The following CAB39 variants were observed in gnomAD, a reference collection of about 807,000 sequenced individuals.
CAB39 encodes the protein calcium-binding protein 39.
CAB39 carries 8 observed loss-of-function variants against 40.0 expected under a neutral mutation model. That is an observed-to-expected ratio of 0.20 (90% confidence interval 0.12 to 0.36). The LOEUF (loss-of-function observed/expected upper bound fraction) is 0.36. CAB39 is among the 10% of genes least tolerant of loss of function. CAB39 has a pLI of 1.00. For synonymous variants in CAB39, 156 were observed against 141.6 expected (o/e 1.10, Z -0.72); for missense variants, 270 against 401.1 (o/e 0.67, Z 2.79).
At chr2:230,757,119 T>G (rs776659997) in intron 1 of CAB39, among the ~76,000 whole-genome samples, 1 of 152,150 alleles carries the variant, frequency 6.6e-6, no homozygotes, top group Non-Finnish European at 1.5e-5. Flanking sequence ...CCTCCTTATT[T>G]AAATTTAAGT....
Position 230,748,832 on chromosome 2 carries a change from ATATATATATATATATAT to A in CAB39, c.-43-11126_-43-11110del, listed in dbSNP as rs1396203595. ...CAAAAAGAAAAAAAAAAAAAAAAAA[ATATATATATATATATAT>A]ATATATATATATATATATAACAAAA... is the stretch of plus-strand genomic sequence containing the variant. On this transcript the variant is annotated intron_variant, in intron 1 of 8. Transcript: ENST00000258418. 1.7e-3 allele frequency among the ~76,000 whole-genome samples: 37 copies of A among 21,744 alleles called. 2 individuals carry two copies. The highest frequency in any genetic ancestry group is 5.3e-3 in the African/African-American group (29 of 5,468). The allele number at this position is 21,744 out of a possible 152,430, so 14.3% of individuals were successfully genotyped here.
At chr2:230,758,568 ACT>A (rs777324338) in intron 1 of CAB39, among the ~76,000 whole-genome samples, 1 of 152,128 alleles carries the variant, frequency 6.6e-6, no homozygotes, top group Non-Finnish European at 1.5e-5. Context: ...TATGTAAGTC[ACT>A]CTATTTCAAA....
rs1183703477 is a variant in CAB39 at position 230,819,418 on chromosome 2, T to A, written c.*714T>A. On this transcript the variant is annotated 3_prime_UTR_variant, in exon 9 of 9. Transcript: ENST00000258418. ...ACTTTTCAAAGATACTTTAAAACAG[T>A]AGAGCTAGCAATGACACCTTGCATT... 1 of 152,670 alleles carries A rather than the reference T, an allele frequency of 6.6e-6. No homozygotes were observed. The highest frequency in any genetic ancestry group is 1.9e-4 in the East Asian group (1 of 5,202). 9.5% of individuals were successfully genotyped at this position (152,670 alleles called of 1,614,324 possible). A position where few individuals can be genotyped will look rare whatever the true frequency, so the allele number is the denominator to read the frequency against.
chr2:230,716,400 G>A (rs1198905987), intron 1 of CAB39, among the ~76,000 whole-genome samples: 1 of 152,028 alleles, frequency 6.6e-6, no homozygotes, highest in African/African-American at 2.4e-5. Context: ...CCAGATTGAT[G>A]ACTAATCACT....
chr2:230,786,037 G>T (rs1468917638), intron 2 of CAB39, among the ~76,000 whole-genome samples: 3 of 151,014 alleles, frequency 2.0e-5, no homozygotes, highest in African/African-American at 7.3e-5. Context: ...TGTGGCGGGT[G>T]CCTGTAGTCC....
chr2:230,724,306 G>C (rs1171547385), intron 1 of CAB39, among the ~76,000 whole-genome samples: 1 of 151,900 alleles, frequency 6.6e-6, no homozygotes, highest in African/African-American at 2.4e-5. Flanking sequence ...GTGAACAGGA[G>C]GCATGTGGTA....
rs1315166915 is a variant in CAB39, at chr2:230,798,725, G to A, written c.399-4G>A. The A allele has an allele frequency of 4.5e-6, 7 of 1,572,518 alleles. No homozygotes were observed. The highest frequency in any genetic ancestry group is 5.2e-6 in the Non-Finnish European group (6 of 1,156,342). ...TTTGTTTGTTTGGTTTTTTGTTTTT[G>A]CAGGTATGAATCTCCAGAAATAGCT... On this transcript the variant is annotated splice_region_variant and splice_polypyrimidine_tract_variant and intron_variant, in intron 4 of 8. Transcript: ENST00000258418.
chr2:230,788,431 C>G (rs913632779), intron 2 of CAB39, among the ~76,000 whole-genome samples: 2 of 151,812 alleles, frequency 1.3e-5, no homozygotes, highest in African/African-American at 4.8e-5. Flanking sequence ...ATGTTATAAC[C>G]CCAGAATACG....
At chr2:230,800,601 C>T (rs983679283) in intron 5 of CAB39, among the ~76,000 whole-genome samples, 1 of 152,108 alleles carries the variant, frequency 6.6e-6, no homozygotes, top group African/African-American at 2.4e-5. Context: ...TGTAGCAGCA[C>T]CATGTGTCAA....
chr2:230,718,607 C>T (rs1694393509), intron 1 of CAB39, among the ~76,000 whole-genome samples: 1 of 152,174 alleles, frequency 6.6e-6, no homozygotes, highest in Non-Finnish European at 1.5e-5. Context: ...TAGACCATAT[C>T]TGAGAGGGTT....
At chr2:230,783,572 A>G (rs1260092078) in intron 2 of CAB39, among the ~76,000 whole-genome samples, 4 of 146,244 alleles carry the variant, frequency 2.7e-5, no homozygotes, top group Non-Finnish European at 6.0e-5. Context: ...CCTCTGCACC[A>G]CTCCCCACCC....
intron 2 of CAB39, among the ~76,000 whole-genome samples, chr2:230,774,946 G>A (rs1281119340): frequency 6.6e-6 from 1 of 152,048 alleles, no homozygotes; most frequent in African/African-American, 2.4e-5. Context: ...CAAATACTTG[G>A]CACCAACAGT....
chr2:230,747,081 G>A (rs984396841), intron 1 of CAB39, among the ~76,000 whole-genome samples: 1 of 152,102 alleles, frequency 6.6e-6, no homozygotes, highest in Non-Finnish European at 1.5e-5. Context: ...GGCCTGGAGT[G>A]GTAGCTCATG....
intron 1 of CAB39, among the ~76,000 whole-genome samples, chr2:230,749,437 A>C (rs1031538041): frequency 6.6e-6 from 1 of 152,188 alleles, no homozygotes; most frequent in Non-Finnish European, 1.5e-5. Context: ...TTTTATATTT[A>C]GAAAAAAAGT....
intron 2 of CAB39, among the ~76,000 whole-genome samples, chr2:230,775,006 C>T (rs1278587179): frequency 6.6e-6 from 1 of 152,046 alleles, no homozygotes; most frequent in Non-Finnish European, 1.5e-5. Flanking sequence ...TCTTCATTTA[C>T]TTTGATATAG....
chr2:230,812,970 C>T (rs975125996), intron 6 of CAB39, among the ~76,000 whole-genome samples: 1 of 152,102 alleles, frequency 6.6e-6, no homozygotes, highest in African/African-American at 2.4e-5. Flanking sequence ...TGCTCTAGAC[C>T]ACAGATGAAT....
intron 4 of CAB39, among the ~76,000 whole-genome samples, chr2:230,796,082 C>T (rs1695981341): frequency 6.6e-6 from 1 of 152,172 alleles, no homozygotes; most frequent in Non-Finnish European, 1.5e-5. Context: ...GTGATTGCTT[C>T]CTTGCTTTCT....
chr2:230,730,111 A>T (rs532527355), intron 1 of CAB39, among the ~76,000 whole-genome samples: 59 of 152,232 alleles, frequency 3.9e-4, no homozygotes, highest in Admixed American at 2.3e-3. Context: ...TTAGAAAAAA[A>T]TTTTTTCTTA....
chr2:230,786,560 C>T (rs1695797960), intron 2 of CAB39, among the ~76,000 whole-genome samples: 1 of 152,188 alleles, frequency 6.6e-6, no homozygotes, highest in Non-Finnish European at 1.5e-5. Context: ...TCTTACTCAT[C>T]TTTTGCTGTC....
Sources: gnomAD v4.1 joint callset for allele counts (sites outside exome capture counted in the v4.1 genomes callset) on GRCh38, gnomAD v4.1.1 for gene constraint, MANE v1.5 for transcripts, NCBI Gene and HGNC (gene_info 2026-07-23, HGNC 2026-07-21) for gene names.